Variants in CACNA2D1 observed in about 807,000 individuals in gnomAD.
CACNA2D1 encodes calcium voltage-gated channel auxiliary subunit alpha2delta 1.
CACNA2D1 carries 53 observed loss-of-function variants against 171.5 expected under a neutral mutation model. That is an observed-to-expected ratio of 0.31 (90% confidence interval 0.25 to 0.39). The LOEUF is 0.39. Among genes scored for constraint, CACNA2D1 ranks in the 10% least tolerant of loss-of-function variants. The pLI, the probability that CACNA2D1 is intolerant of heterozygous loss-of-function variation, is 1.00. For synonymous variants in CACNA2D1, 442 were observed against 443.1 expected, an observed-to-expected ratio of 1.00 and a Z score of 0.03; for missense variants, 903 against 1,299.8, an observed-to-expected ratio of 0.69 and a Z score of 4.69.
intron 6 of CACNA2D1, among the ~76,000 whole-genome samples, chr7:82,116,247 C>T (rs1443409574): frequency 6.6e-6 from 1 of 152,066 alleles, no homozygotes; most frequent in Non-Finnish European, 1.5e-5. Context: ...GAACAAATAC[C>T]CTGTTTCTGG....
intron 3 of CACNA2D1, among the ~76,000 whole-genome samples, chr7:82,285,855 C>G (rs1052921710): frequency 5.3e-5 from 8 of 152,182 alleles, no homozygotes; most frequent in Non-Finnish European, 1.0e-4. Flanking sequence ...GTACGCAACA[C>G]TGGCACAGCT....
chr7:82,388,679 T>C (rs1418138898), intron 1 of CACNA2D1, among the ~76,000 whole-genome samples: 1 of 152,224 alleles, frequency 6.6e-6, no homozygotes, highest in African/African-American at 2.4e-5. Flanking sequence ...TGAGGTCCTG[T>C]ACAGTGTGCA....
intron 1 of CACNA2D1, among the ~76,000 whole-genome samples, chr7:82,409,873 T>C (rs189735726): frequency 2.6e-5 from 4 of 152,316 alleles, no homozygotes; most frequent in East Asian, 1.9e-4. Flanking sequence ...CTAGATAGCA[T>C]AGCCTACTAC....
At chr7:82,297,072 C>CAAAAAAA (rs57473351) in intron 3 of CACNA2D1, among the ~76,000 whole-genome samples, 36 of 72,228 alleles carry the variant, frequency 5.0e-4, no homozygotes, top group South Asian at 2.4e-3. Flanking sequence ...CTGTGTCTAC[C>CAAAAAAA]AAAAAAAAAA....
At chr7:82,264,972 G>C (rs1418723375) in intron 3 of CACNA2D1, among the ~76,000 whole-genome samples, 1 of 152,022 alleles carries the variant, frequency 6.6e-6, no homozygotes, top group Admixed American at 6.6e-5. Flanking sequence ...ATAATATCAG[G>C]CATGTTCATA....
chr7:82,163,367 T>C (rs188952831), intron 4 of CACNA2D1, among the ~76,000 whole-genome samples: 11 of 152,202 alleles, frequency 7.2e-5, no homozygotes, highest in Admixed American at 2.0e-4. Flanking sequence ...ACCTGAATGA[T>C]AACAATATAT....
chr7:81,958,875 A>G (rs1259217261), intron 38 of CACNA2D1, among the ~76,000 whole-genome samples: 1 of 150,962 alleles, frequency 6.6e-6, no homozygotes, highest in East Asian at 1.9e-4. Context: ...ACTCTGTAAT[A>G]ATAAGACAAT....
chr7:82,074,009 TAAAAC>T (rs1291577695), intron 7 of CACNA2D1, among the ~76,000 whole-genome samples: 5 of 151,892 alleles, frequency 3.3e-5, no homozygotes, highest in African/African-American at 9.7e-5. Flanking sequence ...GAATTGAAAA[TAAAAC>T]AAAAAAATTA....
At chr7:82,040,507 A>G (rs1803826256) in intron 10 of CACNA2D1, among the ~76,000 whole-genome samples, 1 of 151,416 alleles carries the variant, frequency 6.6e-6, no homozygotes, top group Non-Finnish European at 1.5e-5. Flanking sequence ...GTTTAAAGCC[A>G]TAGGAAAACA....
At chr7:81,995,726 G>A (rs1409855773) in intron 19 of CACNA2D1, among the ~76,000 whole-genome samples, 6 of 150,774 alleles carry the variant, frequency 4.0e-5, no homozygotes, top group African/African-American at 1.2e-4. Context: ...ATGAACCCAG[G>A]AGGTGGAGGT....
At chr7:82,270,693 C>A (rs992765080) in intron 3 of CACNA2D1, among the ~76,000 whole-genome samples, 8 of 152,080 alleles carry the variant, frequency 5.3e-5, no homozygotes, top group African/African-American at 1.9e-4. Context: ...CCAGTTTCTC[C>A]ATATGCTAGC....
At chr7:82,270,893 T>C (rs757659503) in intron 3 of CACNA2D1, among the ~76,000 whole-genome samples, 3 of 152,156 alleles carry the variant, frequency 2.0e-5, no homozygotes, top group Non-Finnish European at 4.4e-5. Context: ...TCAAGCTAAC[T>C]GTATTTTCTC....
intron 10 of CACNA2D1, among the ~76,000 whole-genome samples, chr7:82,038,793 G>A (rs1803616004): frequency 6.6e-6 from 1 of 152,160 alleles, no homozygotes. Flanking sequence ...TATCACTTTA[G>A]AGGTTACTAA....
At chr7:82,263,612 A>G (rs1807430439) in intron 3 of CACNA2D1, among the ~76,000 whole-genome samples, 1 of 152,230 alleles carries the variant, frequency 6.6e-6, no homozygotes, top group Non-Finnish European at 1.5e-5. Context: ...CCAACAGACT[A>G]GTAACATATT....
chr7:81,984,562 A>C (rs1796765838), intron 22 of CACNA2D1, 73 bp downstream of exon 22: 1 of 849,070 alleles, frequency 1.2e-6, no homozygotes. Flanking sequence ...GGTATTCCAA[A>C]ATCTAGACGT....
intron 1 of CACNA2D1, among the ~76,000 whole-genome samples, chr7:82,421,378 T>G (rs2129457235): frequency 6.6e-6 from 1 of 152,314 alleles, no homozygotes; most frequent in African/African-American, 2.4e-5. Context: ...AGTCTGCATT[T>G]AAATGGTCTA....
chr7:82,217,333 T>C (rs1298208507), intron 3 of CACNA2D1, among the ~76,000 whole-genome samples: 3 of 111,668 alleles, frequency 2.7e-5, no homozygotes. Flanking sequence ...TTGATGTCTG[T>C]TGCATCCTGC....
chr7:82,288,443 A>G (rs1243326463), intron 3 of CACNA2D1, among the ~76,000 whole-genome samples: 1 of 151,854 alleles, frequency 6.6e-6, no homozygotes, highest in African/African-American at 2.4e-5. Flanking sequence ...ACACACACAC[A>G]CACACACACA....
intron 35 of CACNA2D1, 108 bp from the exon 36 acceptor site, chr7:81,962,131 AC>A: frequency 9.6e-7 from 1 of 1,046,680 alleles, no homozygotes; most frequent in Non-Finnish European, 1.5e-6. Flanking sequence ...AACGTATAAG[AC>A]CAGGACCCCT....
Sources: allele counts gnomAD v4.1 joint callset (sites outside exome capture counted in the v4.1 genomes callset), GRCh38; gene constraint gnomAD v4.1.1; transcripts MANE v1.5; gene names NCBI Gene and HGNC (gene_info 2026-07-23, HGNC 2026-07-21).